CARMIL1: variants seen among roughly 807,000 people sequenced by gnomAD.
The protein encoded by CARMIL1 is F-actin-uncapping protein LRRC16A.
CARMIL1 carries 90 observed loss-of-function variants against 177.1 expected under a neutral mutation model. That is an observed-to-expected ratio of 0.51 (90% CI 0.43 to 0.61). CARMIL1 has a LOEUF of 0.61. Ranked by LOEUF, CARMIL1 falls within the 20% of genes least tolerant of loss-of-function variation. The pLI is 0.00. For synonymous variants in CARMIL1, 577 were observed against 606.2 expected (o/e 0.95, Z 0.71); for missense variants, 1,380 against 1,667.0 (o/e 0.83, Z 3.00).
At chr6:25,529,440 T>C (rs549928411) in intron 24 of CARMIL1, among the ~76,000 whole-genome samples, 17 of 152,130 alleles carry the variant, frequency 1.1e-4, no homozygotes, top group Non-Finnish European at 2.2e-4. Context: ...ATTATAATAA[T>C]TTAAAAAAAT....
In CARMIL1 at chr6:25,594,480, A is replaced by G; in HGVS notation, c.3072A>G (p.Glu1024=). ...ATGGTCTCATGGGGAGAGTGGATGA[A>G]GGTGTAGATGAATTTTTTACCAAGA... ...EQNGLMGRVD[E]GVDEFFTKKV... is the part of the protein sequence containing the mutation. Residue 1024 remains glutamate (E), a synonymous_variant, in exon 32 of 37, where the codon GAA becomes GAG. Coordinates refer to ENST00000329474, the MANE Select transcript of CARMIL1 (RefSeq NM_017640.6). 1 of 1,613,618 alleles carries G rather than the reference A, an allele frequency of 6.2e-7. No homozygotes were observed. Among genetic ancestry groups the G allele is most frequent in the East Asian group, 2.2e-5 (1 of 44,866 alleles).
chr6:25,455,135 G>C (rs980260543), intron 8 of CARMIL1, among the ~76,000 whole-genome samples: 2 of 152,106 alleles, frequency 1.3e-5, no homozygotes, highest in African/African-American at 4.8e-5. Context: ...ACATAATTCA[G>C]ATACAAGCAA....
chr6:25,604,966 A>G, intron 34 of CARMIL1, 73 bp downstream of exon 34: 3 of 1,279,810 alleles, frequency 2.3e-6, no homozygotes, highest in Non-Finnish European at 3.3e-6. Flanking sequence ...CATGATTGAC[A>G]GAAGAAAAAT....
rs147485735 is a variant in CARMIL1 at position 25,407,995 on chromosome 6, C to T, written c.139-12119C>T. Among the ~76,000 whole-genome samples the T allele has an allele frequency of 7.9e-5, 12 of 152,182 alleles. No homozygotes were observed. The East Asian group carries it at 1.9e-3, about 25-fold the overall frequency. ...TCCTGTCACGCCAGCCTCTCTGGCC[C>T]GTGGATCACACTGTGAGGGCCAGGT... is the stretch of plus-strand genomic sequence containing the variant. On this transcript the variant is annotated intron_variant, in intron 2 of 36. Coordinates refer to ENST00000329474, the MANE Select transcript of CARMIL1 (RefSeq NM_017640.6).
chr6:25,585,559 T>C (rs560263440), intron 31 of CARMIL1, among the ~76,000 whole-genome samples: 41 of 152,358 alleles, frequency 2.7e-4, no homozygotes, highest in South Asian at 8.3e-4. Context: ...TTTTTATTTT[T>C]TAGTATTTAT....
At chr6:25,457,815 A>G (rs1799678064) in intron 8 of CARMIL1, among the ~76,000 whole-genome samples, 1 of 152,174 alleles carries the variant, frequency 6.6e-6, no homozygotes, top group African/African-American at 2.4e-5. Flanking sequence ...TGGTAGGTGG[A>G]TATACTAAGA....
At chr6:25,382,518 G>A (rs1310066048) in intron 2 of CARMIL1, among the ~76,000 whole-genome samples, 1 of 152,196 alleles carries the variant, frequency 6.6e-6, no homozygotes, top group East Asian at 1.9e-4. Flanking sequence ...GGGGACCCGA[G>A]TGGGTTGCTG....
chr6:25,309,766 C>CTTT (rs34514583), intron 2 of CARMIL1, among the ~76,000 whole-genome samples: 9 of 116,904 alleles, frequency 7.7e-5, no homozygotes, highest in South Asian at 2.8e-4. Context: ...TATACCACAT[C>CTTT]TTTTTTTTTT....
intron 36 of CARMIL1, among the ~76,000 whole-genome samples, chr6:25,612,038 T>G (rs1179047034): frequency 1.3e-5 from 2 of 152,236 alleles, no homozygotes; most frequent in African/African-American, 4.8e-5. Context: ...CACGCTCCCT[T>G]CTTTCCAGTC....
intron 36 of CARMIL1, among the ~76,000 whole-genome samples, chr6:25,617,249 T>G (rs1186833619): frequency 6.6e-6 from 1 of 152,234 alleles, no homozygotes; most frequent in African/African-American, 2.4e-5. Context: ...CTTTGAATTT[T>G]AATCATGCCT....
intron 12 of CARMIL1, among the ~76,000 whole-genome samples, chr6:25,486,572 T>C (rs9295663): frequency 0.2 from 30,474 of 152,144 alleles, 3,334 homozygotes; most frequent in East Asian, 0.29. Context: ...TTAATACTAA[T>C]ATCGGGACAA....
At chr6:25,589,386 G>T (rs1444645818) in intron 31 of CARMIL1, among the ~76,000 whole-genome samples, 2 of 152,132 alleles carry the variant, frequency 1.3e-5, no homozygotes, top group African/African-American at 4.8e-5. Flanking sequence ...AAATTGTCTG[G>T]AATCCATTTA....
chr6:25,457,629 C>G (rs7453019), intron 8 of CARMIL1, among the ~76,000 whole-genome samples: 6,549 of 152,192 alleles, frequency 0.043, 341 homozygotes, highest in African/African-American at 0.13. Flanking sequence ...ATGAATATGT[C>G]AGGAAATGAT....
intron 9 of CARMIL1, among the ~76,000 whole-genome samples, chr6:25,470,356 C>T (rs745381377): frequency 1.9e-4 from 29 of 152,204 alleles, no homozygotes; most frequent in Non-Finnish European, 3.5e-4. Context: ...GGGCTTAACT[C>T]AGTGCCTGGC....
chr6:25,555,775 C>T (rs553280996), intron 28 of CARMIL1, among the ~76,000 whole-genome samples: 3 of 152,204 alleles, frequency 2.0e-5, no homozygotes, highest in South Asian at 4.2e-4. Flanking sequence ...CCTTAAAATG[C>T]TTACTTATGA....
intron 2 of CARMIL1, among the ~76,000 whole-genome samples, chr6:25,402,617 G>A (rs916897412): frequency 1.3e-5 from 2 of 152,146 alleles, no homozygotes; most frequent in African/African-American, 4.8e-5. Context: ...TTCTAGAGCT[G>A]TATGGTCCAG....
intron 12 of CARMIL1, among the ~76,000 whole-genome samples, chr6:25,483,869 G>T (rs1229238896): frequency 6.6e-6 from 1 of 152,042 alleles, no homozygotes; most frequent in Non-Finnish European, 1.5e-5. Flanking sequence ...CTGGGCTCAA[G>T]CGATCCTCCC....
intron 1 of CARMIL1, among the ~76,000 whole-genome samples, chr6:25,280,924 C>T (rs1781041283): frequency 1.3e-5 from 2 of 152,060 alleles, no homozygotes; most frequent in South Asian, 4.2e-4. Flanking sequence ...ATTTGCCCCT[C>T]TGTTGTTTCT....
At chr6:25,525,195 G>C (rs896029139) in intron 23 of CARMIL1, among the ~76,000 whole-genome samples, 5 of 152,054 alleles carry the variant, frequency 3.3e-5, no homozygotes, top group African/African-American at 1.2e-4. Context: ...TCAAAATGTG[G>C]ATAACCAACG....
Sources: allele counts gnomAD v4.1 joint callset (sites outside exome capture counted in the v4.1 genomes callset), GRCh38; gene constraint gnomAD v4.1.1; transcripts MANE v1.5; gene names NCBI Gene and HGNC (gene_info 2026-07-23, HGNC 2026-07-21).